Variants in ATXN3 observed in about 807,000 individuals in gnomAD.
ATXN3 encodes the protein ataxin-3.
A neutral mutation model predicts 58.2 loss-of-function variants in ATXN3; 28 were observed. The observed-to-expected ratio is 0.48, with a 90% CI of 0.36 to 0.66. ATXN3 has a LOEUF of 0.66. ATXN3 is among the 30% of genes least tolerant of loss of function. The pLI, the probability that ATXN3 is intolerant of heterozygous loss-of-function variation, is 0.00. For synonymous variants in ATXN3, 113 were observed against 138.5 expected (o/e 0.82, Z 1.29); for missense variants, 321 against 422.1 (o/e 0.76, Z 2.10).
At chr14:92,106,505 T>C (rs1468597745) in intron 1 of ATXN3, 24 bp downstream of exon 1, 1 of 1,611,940 alleles carries the variant, frequency 6.2e-7, no homozygotes, top group Non-Finnish European at 8.5e-7. Context: ...GGCAGACAGC[T>C]CCCCACCGAA....
chr14:92,050,143 C>CGT (rs35730721), upstream of ATXN3, among the ~76,000 whole-genome samples: 57,027 of 147,492 alleles, frequency 0.39, 10,840 homozygotes, highest in Middle Eastern at 0.44. Context: ...ACTTTGCTCT[C>CGT]GTGTGTGTGT....
rs1400288121 is a variant in ATXN3 at position 92,105,603 on chromosome 14, T to C, written c.24+926A>G. Among the ~76,000 whole-genome samples the C allele has an allele frequency of 2.6e-5, 4 of 152,296 alleles. No individual in the cohort carries two copies. In the East Asian group the frequency reaches 7.7e-4, roughly 29 times the overall value. On this transcript the variant is annotated intron_variant, in intron 1 of 10. Coordinates refer to ENST00000644486, the MANE Select transcript of ATXN3 (RefSeq NM_004993.6). ...AATAACAGCCTTACCAGCAACTCTT[T>C]CCAAACACGAAACTATTATGAAACA...
intron 9 of ATXN3, among the ~76,000 whole-genome samples, chr14:92,077,377 C>T (rs578133639): frequency 5.4e-4 from 81 of 151,326 alleles, no homozygotes; most frequent in African/African-American, 1.6e-3. Flanking sequence ...GACAGAGCCT[C>T]GCTCTGTCGC....
rs372556545 is a variant in ATXN3 at position 92,070,906 on chromosome 14, G to A, written c.991+29C>T. On this transcript the variant is annotated intron_variant, in intron 10 of 10. Coordinates refer to ENST00000644486, the MANE Select transcript of ATXN3 (RefSeq NM_004993.6). ...ATGTCAGATAAAGTGTGAAGGTAGCGAACATGATGAATGGTGAGCAGGCCT... is the reference window on the plus strand; with the variant it reads ...ATGTCAGATAAAGTGTGAAGGTAGCAAACATGATGAATGGTGAGCAGGCCT... 148 of 1,612,934 alleles carry A rather than the reference G, an allele frequency of 9.2e-5. No individual in the cohort carries two copies. In the African/African-American group the frequency reaches 1.3e-3, roughly 14 times the overall value.
rs149344198 is a variant in ATXN3, at chr14:92,095,307, G to A, written c.234+786C>T. Among the ~76,000 whole-genome samples, 1,086 of 152,052 alleles carry A rather than the reference G, an allele frequency of 7.1e-3. 8 individuals carry two copies. The highest frequency in any genetic ancestry group is 0.015 in the South Asian group (70 of 4,814). ...TCACCAGGCTAGAGTGCAGTGGCGC[G>A]ATCTTGGCTCACTGCAACCTACGAC... On this transcript the variant is annotated intron_variant, in intron 3 of 10. Coordinates refer to ENST00000644486, the MANE Select transcript of ATXN3 (RefSeq NM_004993.6).
intron 10 of ATXN3, among the ~76,000 whole-genome samples, chr14:92,069,547 ATT>A (rs1440626810): frequency 3.3e-5 from 5 of 151,226 alleles, no homozygotes; most frequent in Non-Finnish European, 7.4e-5. Flanking sequence ...TAATTTTTGT[ATT>A]TTAAGTAGAG....
At chr14:92,096,261 GTTATAAT>G in intron 2 of ATXN3, 124 bp from the exon 3 acceptor site, 1 of 1,582,184 alleles carries the variant, frequency 6.3e-7, no homozygotes, top group East Asian at 2.3e-5. Flanking sequence ...TAACAGCACA[GTTATAAT>G]TCACCAGTCA....
chr14:92,098,260 T>C (rs1289376334), intron 1 of ATXN3, among the ~76,000 whole-genome samples: 4 of 152,152 alleles, frequency 2.6e-5, no homozygotes, highest in Non-Finnish European at 5.9e-5. Flanking sequence ...AACATGACAC[T>C]GTGCCCAGCT....
intron 10 of ATXN3, among the ~76,000 whole-genome samples, chr14:92,068,051 A>G (rs1425895040): frequency 6.6e-6 from 1 of 152,152 alleles, no homozygotes; most frequent in African/African-American, 2.4e-5. Context: ...TGTCAGCAAC[A>G]GTCTGGATTC....
At position 92,106,526 on chromosome 14, in the gene ATXN3, C is replaced by T; in HGVS notation, c.24+3G>A. 1 of 1,613,502 alleles carries T rather than the reference C, an allele frequency of 6.2e-7. No individual in the cohort carries two copies. The highest frequency in any genetic ancestry group is 8.5e-7 in the Non-Finnish European group (1 of 1,179,634). On this transcript the variant is annotated splice_donor_region_variant and intron_variant, in intron 1 of 10. Transcript: ENST00000644486. Reference sequence around the variant, plus strand: ...CAGCTCCCCACCGAACGCGGACACTCACTTTCTCGTGGAAGATGGACTCCA... The same window carrying T: ...CAGCTCCCCACCGAACGCGGACACTTACTTTCTCGTGGAAGATGGACTCCA...
intron 1 of ATXN3, among the ~76,000 whole-genome samples, chr14:92,097,757 C>A (rs1399078557): frequency 6.6e-6 from 1 of 152,052 alleles, no homozygotes; most frequent in Non-Finnish European, 1.5e-5. Context: ...GATCTCCTGA[C>A]CTCGTGATCT....
intron 9 of ATXN3, among the ~76,000 whole-genome samples, chr14:92,072,651 A>G (rs2059629252): frequency 6.6e-6 from 1 of 151,494 alleles, no homozygotes; most frequent in Admixed American, 6.6e-5. Flanking sequence ...ACCAAAAACC[A>G]AAACTTACAA....
intron 10 of ATXN3, chr14:92,070,598 T>C (rs1232565770): frequency 1.8e-6 from 1 of 566,164 alleles, no homozygotes; most frequent in Non-Finnish European, 2.9e-6. Context: ...AAAATATCCA[T>C]GATGTCTAAG....
At chr14:92,099,990 GACAA>G (rs775305302) in intron 1 of ATXN3, among the ~76,000 whole-genome samples, 4 of 152,046 alleles carry the variant, frequency 2.6e-5, no homozygotes, top group Non-Finnish European at 4.4e-5. Flanking sequence ...AAATAGGCAA[GACAA>G]ACAAGCACTT....
downstream of ATXN3, among the ~76,000 whole-genome samples, chr14:92,054,247 G>C (rs1174844465): frequency 2.0e-5 from 3 of 152,116 alleles, no homozygotes; most frequent in Non-Finnish European, 4.4e-5. Context: ...ACTCCATCTT[G>C]AATAGGAGCT....
chr14:92,071,611 CA>C, intron 9 of ATXN3: 1 of 273,204 alleles, frequency 3.7e-6, no homozygotes, highest in Non-Finnish European at 7.2e-6. Context: ...AAACAACAAA[CA>C]AAAAACCTAT....
rs2061381855 is a variant in ATXN3, at chr14:92,081,121, A to G, written c.776-60T>C. 3.4e-6 allele frequency: 4 copies of G among 1,182,432 alleles called. No homozygotes were observed. The African/African-American group carries it at 4.5e-5, about 13-fold the overall frequency. 73.2% of individuals were successfully genotyped at this position (1,182,432 alleles called of 1,614,324 possible). A position where few individuals can be genotyped will look rare whatever the true frequency, so the allele number is the denominator to read the frequency against. On this transcript the variant is annotated intron_variant, in intron 8 of 10. Coordinates refer to ENST00000644486, the MANE Select transcript of ATXN3 (RefSeq NM_004993.6). ...ACTGTATTTACCAATTCAAGCAACA[A>G]TATGTTTGTTTATACTCATTTGAGT...
chr14:92,085,920 C>T (rs968102022), intron 6 of ATXN3, among the ~76,000 whole-genome samples: 6 of 151,992 alleles, frequency 3.9e-5, no homozygotes, highest in African/African-American at 1.5e-4. Context: ...GGGCTGAAGG[C>T]CAAAGGTAGA....
In ATXN3 at chr14:92,061,126, A is replaced by T. The variant is rs2057752575; in HGVS notation, c.*3194T>A. On this transcript the variant is annotated 3_prime_UTR_variant, in exon 11 of 11. Coordinates refer to ENST00000644486, the MANE Select transcript of ATXN3 (RefSeq NM_004993.6). ...AAATAAAATTTATTTTATTCAACTTAATATTAAACAATATGGACTACTGGT... is the reference window on the plus strand; with the variant it reads ...AAATAAAATTTATTTTATTCAACTTTATATTAAACAATATGGACTACTGGT... 6.6e-6 allele frequency: 1 copy of T among 152,174 alleles called. No homozygotes were observed. The highest frequency in any genetic ancestry group is 2.4e-5 in the African/African-American group (1 of 41,446). The allele number at this position is 152,174 out of a possible 1,614,324, so 9.4% of individuals were successfully genotyped here. A position where few individuals can be genotyped will look rare whatever the true frequency, so the allele number is the denominator to read the frequency against.
Sources: allele counts gnomAD v4.1 joint callset (sites outside exome capture counted in the v4.1 genomes callset), GRCh38; gene constraint gnomAD v4.1.1; transcripts MANE v1.5; gene names NCBI Gene and HGNC (gene_info 2026-07-23, HGNC 2026-07-21).